Variants in XKR4 observed in about 807,000 individuals in gnomAD.
The protein encoded by XKR4 is XK-related protein 4.
Under a neutral mutation model 53.9 loss-of-function variants are expected in XKR4, and 12 were observed. That is an observed-to-expected ratio of 0.22 (90% confidence interval 0.14 to 0.36). The LOEUF (loss-of-function observed/expected upper bound fraction) is 0.36, where lower values mean the gene tolerates loss of function less well. Among genes scored for constraint, XKR4 ranks in the 10% least tolerant of loss-of-function variants. XKR4 has a pLI of 1.00. For missense variants in XKR4, 799 were observed against 859.5 expected (o/e 0.93, Z 0.88); for synonymous variants, 354 against 362.4 (o/e 0.98, Z 0.26).
At chr8:55,396,001 G>C (rs984565174) in intron 2 of XKR4, among the ~76,000 whole-genome samples, 1 of 152,270 alleles carries the variant, frequency 6.6e-6, no homozygotes. Flanking sequence ...AGAGCAGAGA[G>C]AGAGGAAGTG....
rs572350139 is a variant in XKR4, at chr8:55,126,428, G to A, written c.806+23134G>A. On this transcript the variant is annotated intron_variant, in intron 1 of 2. Coordinates refer to ENST00000327381, the MANE Select transcript of XKR4 (RefSeq NM_052898.2). The stretch of plus-strand genomic sequence containing the variant: ...CAGCTGCATTGCTCCTGGCCATGGG[G>A]CATCGAGGCTTGGTTCTGCAATCCC... 6.0e-4 allele frequency among the ~76,000 whole-genome samples: 92 copies of A among 152,338 alleles called. 4 individuals carry two copies. The South Asian group carries it at 0.019, about 31-fold the overall frequency.
At position 55,527,546 on chromosome 8, in the gene XKR4, T is replaced by C. The variant is rs1340410076; in HGVS notation, c.*3319T>C. 6.6e-6 allele frequency: 1 copy of C among 152,228 alleles called. No individual in the cohort carries two copies. The highest frequency in any genetic ancestry group is 2.4e-5 in the African/African-American group (1 of 41,460). The allele number at this position is 152,228 out of a possible 1,614,324, so 9.4% of individuals were successfully genotyped here. On this transcript the variant is annotated 3_prime_UTR_variant, in exon 3 of 3. Coordinates refer to ENST00000327381, the MANE Select transcript of XKR4 (RefSeq NM_052898.2). ...TTAACCATAGTGACACTTTAAGTGTTTGTGTGAAAGAAAAGGAAATAATTT... is the reference window on the plus strand; with the variant it reads ...TTAACCATAGTGACACTTTAAGTGTCTGTGTGAAAGAAAAGGAAATAATTT...
At position 55,159,289 on chromosome 8, in the gene XKR4, C is replaced by G. The variant is rs570838301; in HGVS notation, c.806+55995C>G. Among the ~76,000 whole-genome samples, 4 of 152,104 alleles carry G rather than the reference C, an allele frequency of 2.6e-5. No homozygotes were observed. The South Asian group carries it at 8.3e-4, about 32-fold the overall frequency. On this transcript the variant is annotated intron_variant, in intron 1 of 2. Transcript: ENST00000327381. ...CACAAACATTTATTGAATGTCAACTCTATGCCATACATTTCAAAGCACTTG... is the reference window on the plus strand; with the variant it reads ...CACAAACATTTATTGAATGTCAACTGTATGCCATACATTTCAAAGCACTTG...
intron 1 of XKR4, chr8:55,164,316 T>C (rs1404228406): frequency 2.2e-6 from 1 of 455,244 alleles, no homozygotes; most frequent in Non-Finnish European, 4.4e-6. Context: ...TGTCAGCTAT[T>C]GCTATTTGGA....
At chr8:55,357,589 T>C (rs774056328) in intron 1 of XKR4, 89 bp from the exon 2 acceptor site, 66 of 1,382,236 alleles carry the variant, frequency 4.8e-5, no homozygotes, top group Non-Finnish European at 6.5e-5. Context: ...TGCTTGCATA[T>C]GGTGGCTTGC....
In XKR4 at chr8:55,528,776, A is replaced by T. The variant is rs932693033; in HGVS notation, c.*4549A>T. ...GCAATCCAATGTCATTTTTGAAAAC[A>T]ATCAAAAAGATCGCTTGTGTCAGCT... On this transcript the variant is annotated 3_prime_UTR_variant, in exon 3 of 3. Coordinates refer to ENST00000327381, the MANE Select transcript of XKR4 (RefSeq NM_052898.2). 1.6e-4 allele frequency: 25 copies of T among 152,090 alleles called. No individual in the cohort carries two copies. The highest frequency in any genetic ancestry group is 5.6e-4 in the African/African-American group (23 of 41,422). The allele number at this position is 152,090 out of a possible 1,614,324, so 9.4% of individuals were successfully genotyped here.
intron 2 of XKR4, chr8:55,455,287 CT>C: frequency 6.1e-6 from 1 of 165,096 alleles, no homozygotes. Context: ...GCGGCCCGGG[CT>C]CCAGACACCA....
chr8:55,178,512 G>A (rs181335596), intron 1 of XKR4, among the ~76,000 whole-genome samples: 10 of 152,256 alleles, frequency 6.6e-5, no homozygotes, highest in Admixed American at 1.3e-4. Context: ...TACTAAAACA[G>A]ATCTCCTGAC....
At chr8:55,107,836 G>A (rs1015872357) in intron 1 of XKR4, among the ~76,000 whole-genome samples, 2 of 152,080 alleles carry the variant, frequency 1.3e-5, no homozygotes, top group Admixed American at 6.6e-5. Flanking sequence ...TTATCAAATG[G>A]TTATTTTCTG....
At chr8:55,499,389 C>A (rs1435026310) in intron 2 of XKR4, among the ~76,000 whole-genome samples, 1 of 152,138 alleles carries the variant, frequency 6.6e-6, no homozygotes, top group African/African-American at 2.4e-5. Context: ...AATCATTTCC[C>A]ACCTACCATG....
rs944257352 is a variant in XKR4 at position 55,452,759 on chromosome 8, C to T, written c.1007-70522C>T. The T allele has an allele frequency of 6.1e-5, 51 of 840,468 alleles. No homozygotes were observed. The East Asian group carries it at 7.0e-4, about 12-fold the overall frequency. 52.1% of individuals were successfully genotyped at this position (840,468 alleles called of 1,614,324 possible). The stretch of plus-strand genomic sequence containing the variant: ...TCTCTCTGTCCTCAAAGCCGCTCCC[C>T]GTGTCATAGCTCTCAGCCACACTGC... On this transcript the variant is annotated intron_variant, in intron 2 of 2. Transcript: ENST00000327381.
intron 1 of XKR4, among the ~76,000 whole-genome samples, chr8:55,302,340 G>T: frequency 6.6e-6 from 1 of 151,566 alleles, no homozygotes. Context: ...GCTCTGTTCT[G>T]TTCCATTGAT....
At chr8:55,470,347 A>G (rs1157395576) in intron 2 of XKR4, among the ~76,000 whole-genome samples, 3 of 152,090 alleles carry the variant, frequency 2.0e-5, no homozygotes, top group Admixed American at 6.6e-5. Context: ...GAGGGACCCA[A>G]TGGGAGATAA....
At chr8:55,139,881 AC>A (rs912920242) in intron 1 of XKR4, among the ~76,000 whole-genome samples, 2 of 152,196 alleles carry the variant, frequency 1.3e-5, no homozygotes, top group Admixed American at 6.5e-5. Context: ...TCAATAAAAA[AC>A]AATGATAAAA....
intron 1 of XKR4, among the ~76,000 whole-genome samples, chr8:55,152,482 A>AG (rs1816851880): frequency 6.6e-6 from 1 of 151,518 alleles, no homozygotes; most frequent in African/African-American, 2.4e-5. Flanking sequence ...GGTTATGAAA[A>AG]TTTTTTTGTC....
intron 1 of XKR4, chr8:55,164,875 G>C: frequency 6.2e-6 from 1 of 162,460 alleles, no homozygotes. Flanking sequence ...GTAGTATGCT[G>C]TGCTTTGAAA....
chr8:55,387,010 G>A (rs569289199), intron 2 of XKR4, among the ~76,000 whole-genome samples: 13 of 152,252 alleles, frequency 8.5e-5, no homozygotes, highest in African/African-American at 3.1e-4. Context: ...TCTTAATGTG[G>A]CAGCTTTCTA....
intron 2 of XKR4, among the ~76,000 whole-genome samples, chr8:55,496,270 A>G (rs769686346): frequency 2.6e-5 from 4 of 152,260 alleles, no homozygotes; most frequent in Admixed American, 6.5e-5. Flanking sequence ...TATAGTCAAC[A>G]GAATCATTGT....
intron 2 of XKR4, chr8:55,450,605 G>T: frequency 1.4e-6 from 1 of 715,438 alleles, no homozygotes; most frequent in East Asian, 3.1e-5. Flanking sequence ...AAACTCCATG[G>T]GGAACTGCAG....
Sources: gnomAD v4.1 joint callset for allele counts (sites outside exome capture counted in the v4.1 genomes callset) on GRCh38, gnomAD v4.1.1 for gene constraint, MANE v1.5 for transcripts, NCBI Gene and HGNC (gene_info 2026-07-23, HGNC 2026-07-21) for gene names.